Variants in EPHB1 observed in about 807,000 individuals in gnomAD.
The protein encoded by EPHB1 is EPH receptor B1.
Under a neutral mutation model 94.4 loss-of-function variants are expected in EPHB1, and 30 were observed. That is an observed-to-expected ratio of 0.32 (90% confidence interval 0.24 to 0.43). The LOEUF is 0.43. Among genes scored for constraint, EPHB1 ranks in the 20% least tolerant of loss-of-function variants. The pLI is 1.00. For synonymous variants in EPHB1, 522 were observed against 489.1 expected (o/e 1.07, Z -0.89); for missense variants, 1,055 against 1,308.3 (o/e 0.81, Z 2.99).
rs967760284 is a variant in EPHB1 at position 135,225,072 on chromosome 3, C to G, written c.2347-16076C>G. ...CGTTGAGGGGGGAAGCAGACAAGCTCCTCTCTGCTCCACTGATTTGCTGGC... is the reference window on the plus strand; with the variant it reads ...CGTTGAGGGGGGAAGCAGACAAGCTGCTCTCTGCTCCACTGATTTGCTGGC... On this transcript the variant is annotated intron_variant, in intron 12 of 15. Coordinates refer to ENST00000398015, the MANE Select transcript of EPHB1 (RefSeq NM_004441.5). Among the ~76,000 whole-genome samples, 3 of 152,228 alleles carry G rather than the reference C, an allele frequency of 2.0e-5. No homozygotes were observed. In the South Asian group the frequency reaches 6.2e-4, roughly 32 times the overall value.
At chr3:134,987,668 G>A (rs916827785) in intron 3 of EPHB1, among the ~76,000 whole-genome samples, 3 of 152,214 alleles carry the variant, frequency 2.0e-5, no homozygotes, top group African/African-American at 7.2e-5. Flanking sequence ...TTACTCTGGA[G>A]GCTGAGGCAG....
At chr3:134,985,002 T>G (rs1470336733) in intron 3 of EPHB1, among the ~76,000 whole-genome samples, 3 of 152,158 alleles carry the variant, frequency 2.0e-5, no homozygotes. Context: ...TGGGCCAGTG[T>G]GGACCAGCAC....
intron 3 of EPHB1, among the ~76,000 whole-genome samples, chr3:135,090,527 A>T (rs1364210008): frequency 6.6e-6 from 1 of 152,220 alleles, no homozygotes; most frequent in Non-Finnish European, 1.5e-5. Flanking sequence ...TAGACTTGCA[A>T]AGTGCTACAT....
At chr3:134,937,688 C>T (rs563346868) in intron 2 of EPHB1, among the ~76,000 whole-genome samples, 1 of 152,306 alleles carries the variant, frequency 6.6e-6, no homozygotes, top group South Asian at 2.1e-4. Flanking sequence ...ACTCTCTGCT[C>T]CTCTGTCAAT....
Position 135,076,261 on chromosome 3 carries a change from A to ATATATATATATATATATATATG in EPHB1, c.806-30187_806-30186insTATATATATATATATATATATG, listed in dbSNP as rs1553729687. Reference sequence around the variant, plus strand: ...TATATATATATATATATATATATATAACTCTTAAATGCATTAGTAAAAAGT... The same window carrying ATATATATATATATATATATATG: ...TATATATATATATATATATATATATATATATATATATATATATATATGACTCTTAAATGCATTAGTAAAAAGT... On this transcript the variant is annotated intron_variant, in intron 3 of 15. Transcript: ENST00000398015. Among the ~76,000 whole-genome samples the ATATATATATATATATATATATG allele has an allele frequency of 1.0e-3, 113 of 112,538 alleles. 5 individuals carry two copies. The highest frequency in any genetic ancestry group is 4.9e-3 in the East Asian group (22 of 4,476). The allele number at this position is 112,538 out of a possible 152,430, so 73.8% of individuals were successfully genotyped here. A position where few individuals can be genotyped will look rare whatever the true frequency, so the allele number is the denominator to read the frequency against.
intron 3 of EPHB1, among the ~76,000 whole-genome samples, chr3:135,043,645 T>C (rs1202444035): frequency 1.3e-5 from 2 of 152,258 alleles, no homozygotes; most frequent in Non-Finnish European, 2.9e-5. Flanking sequence ...GAGGATTCCT[T>C]GCACCTGGTG....
intron 12 of EPHB1, among the ~76,000 whole-genome samples, chr3:135,228,800 A>T (rs1943463904): frequency 6.6e-6 from 1 of 152,160 alleles, no homozygotes. Flanking sequence ...AAAGTAAAAC[A>T]CAAGCCAATC....
At position 135,260,015 on chromosome 3, in the gene EPHB1, A is replaced by G. The variant is rs1421335136; in HGVS notation, c.*895A>G. ...CCAATCGGCCTATTGGCTCAATGGGAAGAGAGGAGAGGGAGAAAAATAAAA... is the reference window on the plus strand; with the variant it reads ...CCAATCGGCCTATTGGCTCAATGGGGAGAGAGGAGAGGGAGAAAAATAAAA... On this transcript the variant is annotated 3_prime_UTR_variant, in exon 16 of 16. Coordinates refer to ENST00000398015, the MANE Select transcript of EPHB1 (RefSeq NM_004441.5). 8.6e-6 allele frequency: 2 copies of G among 232,534 alleles called. No homozygotes were observed. Among genetic ancestry groups the G allele is most frequent in the Non-Finnish European group, 8.5e-6 (1 of 117,430 alleles). 14.4% of individuals were successfully genotyped at this position (232,534 alleles called of 1,614,324 possible).
intron 2 of EPHB1, among the ~76,000 whole-genome samples, chr3:134,934,341 G>A (rs1236090891): frequency 1.3e-5 from 2 of 152,176 alleles, no homozygotes; most frequent in Non-Finnish European, 2.9e-5. Flanking sequence ...AGGGCCTTGG[G>A]TGAGAGCCAG....
chr3:135,186,693 A>G (rs755982153), intron 10 of EPHB1, among the ~76,000 whole-genome samples: 15 of 152,180 alleles, frequency 9.9e-5, no homozygotes, highest in Non-Finnish European at 2.1e-4. Context: ...TCAAAAATTG[A>G]GAATTCTTTT....
At chr3:135,149,502 C>T (rs1941124440) in intron 5 of EPHB1, among the ~76,000 whole-genome samples, 2 of 152,150 alleles carry the variant, frequency 1.3e-5, no homozygotes, top group African/African-American at 4.8e-5. Context: ...TGAGTGAATA[C>T]CAGAGCTCAT....
Position 135,256,807 on chromosome 3 carries a change from C to A in EPHB1, c.2847-2205C>A, listed in dbSNP as rs571682916. Among the ~76,000 whole-genome samples the A allele has an allele frequency of 3.0e-3, 456 of 151,918 alleles. 2 individuals carry two copies. The highest frequency in any genetic ancestry group is 6.3e-3 in the South Asian group (30 of 4,778). On this transcript the variant is annotated intron_variant, in intron 15 of 15. Coordinates refer to ENST00000398015, the MANE Select transcript of EPHB1 (RefSeq NM_004441.5). ...AGTTCTCCTGGATAATATCCTGCAG[C>A]GTGTTTTCCAACTTGGTTCCATTCT...
intron 3 of EPHB1, among the ~76,000 whole-genome samples, chr3:134,975,115 G>C (rs1934133077): frequency 6.6e-6 from 1 of 152,130 alleles, no homozygotes; most frequent in Non-Finnish European, 1.5e-5. Context: ...TTTTCTGGGA[G>C]ACTTTTCATG....
Position 135,106,464 on chromosome 3 carries a change from A to G in EPHB1, c.822A>G (p.Thr274=). 1 of 1,613,984 alleles carries G rather than the reference A, an allele frequency of 6.2e-7. No homozygotes were observed. Among genetic ancestry groups the G allele is most frequent in the Non-Finnish European group, 8.5e-7 (1 of 1,179,892 alleles). The change falls in exon 4 of 16, where the codon ACA becomes ACG. Residue 274 remains threonine (T), a synonymous_variant. Transcript: ENST00000398015. The stretch of plus-strand genomic sequence containing the variant: ...GTGTTCTAGCTTGCCCTGCAGGGAC[A>G]TTCAAGGCCAGCCAGGAAGCTGAAG... ...SVACKACPAG[T]FKASQEAEGC...
At chr3:134,924,310 A>G (rs907589178) in intron 1 of EPHB1, among the ~76,000 whole-genome samples, 2 of 152,234 alleles carry the variant, frequency 1.3e-5, no homozygotes, top group Non-Finnish European at 1.5e-5. Flanking sequence ...AAAACATAAG[A>G]CACAGACTGG....
At chr3:135,054,040 T>C (rs62273115) in intron 3 of EPHB1, among the ~76,000 whole-genome samples, 6,933 of 139,798 alleles carry the variant, frequency 0.05, 235 homozygotes, top group East Asian at 0.13. Context: ...TATATATATA[T>C]ACACACACAC....
At chr3:135,073,745 C>A (rs1447437435) in intron 3 of EPHB1, among the ~76,000 whole-genome samples, 1 of 151,946 alleles carries the variant, frequency 6.6e-6, no homozygotes, top group Non-Finnish European at 1.5e-5. Flanking sequence ...TTTTTAGTCT[C>A]TTTTAATCTA....
intron 1 of EPHB1, among the ~76,000 whole-genome samples, chr3:134,803,106 A>C (rs887153758): frequency 2.0e-5 from 3 of 152,312 alleles, no homozygotes; most frequent in South Asian, 4.1e-4. Context: ...GTTCCCCCAG[A>C]GTTCTCTGTA....
At chr3:135,005,874 G>T (rs1395793004) in intron 3 of EPHB1, among the ~76,000 whole-genome samples, 3 of 152,244 alleles carry the variant, frequency 2.0e-5, no homozygotes, top group African/African-American at 7.2e-5. Context: ...TCCCTAGTGA[G>T]ATGAACCCAG....
Sources: allele counts gnomAD v4.1 joint callset (sites outside exome capture counted in the v4.1 genomes callset), GRCh38; gene constraint gnomAD v4.1.1; transcripts MANE v1.5; gene names NCBI Gene and HGNC (gene_info 2026-07-23, HGNC 2026-07-21).